Variants in NR5A2 observed in about 807,000 individuals in gnomAD.
The protein encoded by NR5A2 is CYP7A promoter-binding factor.
A neutral mutation model predicts 62.7 loss-of-function variants in NR5A2; 26 were observed. The observed-to-expected ratio is 0.41, with a 90% CI of 0.30 to 0.58. NR5A2 has a LOEUF of 0.58. NR5A2 is among the 20% of genes least tolerant of loss of function. The probability of loss-of-function intolerance (pLI) is 0.22; values close to 1 mark genes in which losing one functional copy is unlikely to be tolerated. For missense variants in NR5A2, 541 were observed against 669.1 expected, an observed-to-expected ratio of 0.81 and a Z score of 2.11; for synonymous variants, 246 against 241.7, an observed-to-expected ratio of 1.02 and a Z score of -0.16.
chr1:200,077,847 G>T (rs1355174655), intron 5 of NR5A2, among the ~76,000 whole-genome samples: 2 of 152,134 alleles, frequency 1.3e-5, no homozygotes, highest in Non-Finnish European at 2.9e-5. Flanking sequence ...TAGGGCTCTC[G>T]CAGTTTTTGA....
chr1:200,053,269 A>G (rs752480796), intron 5 of NR5A2, among the ~76,000 whole-genome samples: 21 of 152,172 alleles, frequency 1.4e-4, no homozygotes, highest in Non-Finnish European at 2.9e-4. Context: ...TCTGGTCTTC[A>G]TCCAAAATAA....
At chr1:200,108,958 T>C (rs900552204) in intron 5 of NR5A2, among the ~76,000 whole-genome samples, 1 of 152,346 alleles carries the variant, frequency 6.6e-6, no homozygotes, top group Non-Finnish European at 1.5e-5. Flanking sequence ...ACCACCTGGA[T>C]TGTAAAACCA....
chr1:200,105,522 A>G (rs954091727), intron 5 of NR5A2, among the ~76,000 whole-genome samples: 5 of 152,176 alleles, frequency 3.3e-5, no homozygotes, highest in African/African-American at 1.2e-4. Context: ...TATTTTAATA[A>G]TCTGTTTTCC....
chr1:200,154,597 T>C (rs1653290141), intron 7 of NR5A2, among the ~76,000 whole-genome samples: 1 of 152,244 alleles, frequency 6.6e-6, no homozygotes, highest in Non-Finnish European at 1.5e-5. Flanking sequence ...CACATGCCTG[T>C]AGCCCCAGCT....
At chr1:200,143,943 T>C (rs1479368335) in intron 7 of NR5A2, among the ~76,000 whole-genome samples, 1 of 152,000 alleles carries the variant, frequency 6.6e-6, no homozygotes, top group Non-Finnish European at 1.5e-5. Context: ...CCGGCTACTG[T>C]TCACCGTTTA....
intron 7 of NR5A2, among the ~76,000 whole-genome samples, chr1:200,123,728 T>G (rs1666575650): frequency 6.7e-6 from 1 of 149,156 alleles, no homozygotes; most frequent in African/African-American, 2.5e-5. Context: ...TTCAGAAGTT[T>G]TATTTTTATT....
intron 5 of NR5A2, among the ~76,000 whole-genome samples, chr1:200,098,694 G>C (rs1013011600): frequency 2.6e-5 from 4 of 152,130 alleles, no homozygotes; most frequent in Admixed American, 2.6e-4. Context: ...CATTGATTCA[G>C]CAAATATTAA....
intron 7 of NR5A2, among the ~76,000 whole-genome samples, chr1:200,149,369 T>C (rs779438394): frequency 1.5e-4 from 23 of 152,352 alleles, no homozygotes; most frequent in Middle Eastern, 6.8e-3. Context: ...TGATTCACCG[T>C]GTATCTTCTG....
intron 6 of NR5A2, among the ~76,000 whole-genome samples, chr1:200,112,578 C>T (rs1558146494): frequency 2.0e-5 from 3 of 152,302 alleles, no homozygotes; most frequent in Non-Finnish European, 2.9e-5. Context: ...ATTTCCCAAT[C>T]AAATTAAAAG....
intron 7 of NR5A2, among the ~76,000 whole-genome samples, chr1:200,144,229 T>TCACACACACA (rs770054105): frequency 9.9e-4 from 126 of 127,060 alleles, no homozygotes; most frequent in African/African-American, 3.9e-3. Flanking sequence ...TCTCTCTCTC[T>TCACACACACA]CTCTCACACA....
At chr1:200,130,434 T>G (rs1666924340) in intron 7 of NR5A2, among the ~76,000 whole-genome samples, 1 of 152,176 alleles carries the variant, frequency 6.6e-6, no homozygotes, top group Admixed American at 6.5e-5. Context: ...GTACCAGGTG[T>G]ACCATTTGCT....
At chr1:200,133,554 TATACACAC>T (rs1298360216) in intron 7 of NR5A2, among the ~76,000 whole-genome samples, 38 of 52,116 alleles carry the variant, frequency 7.3e-4, no homozygotes, top group East Asian at 2.4e-3. Context: ...TATACACATA[TATACACAC>T]ATATATATAT....
At chr1:200,032,952 C>T (rs544829414) in intron 1 of NR5A2, among the ~76,000 whole-genome samples, 1 of 152,314 alleles carries the variant, frequency 6.6e-6, no homozygotes, top group Admixed American at 6.5e-5. Flanking sequence ...ACATTTCGAG[C>T]TTAAGAAACA....
Position 200,039,243 on chromosome 1 carries a change from C to A in NR5A2, c.65-415C>A, listed in dbSNP as rs1661931470. Among the ~76,000 whole-genome samples, 1 of 151,996 alleles carries A rather than the reference C, an allele frequency of 6.6e-6. No homozygotes were observed. The highest frequency in any genetic ancestry group is 2.4e-5 in the African/African-American group (1 of 41,398). On this transcript the variant is annotated intron_variant, in intron 1 of 7. Transcript: ENST00000367362. The surrounding 1 kb of genome is among the most constrained non-coding windows in gnomAD (Gnocchi z 5.1). ...CCCCTGCCGATCCTGAGCCAGAGGG[C>A]GGTGGAGGGAGGGGAAGGAGTCGCC... is the stretch of plus-strand genomic sequence containing the variant.
At chr1:200,043,081 C>T (rs979881204) in intron 2 of NR5A2, 29 of 809,320 alleles carry the variant, frequency 3.6e-5, no homozygotes, top group Non-Finnish European at 3.9e-5. Flanking sequence ...TTTCCCCGTA[C>T]GGGCGTCCTC....
intron 1 of NR5A2, chr1:200,029,246 C>A: frequency 5.0e-6 from 1 of 201,066 alleles, no homozygotes; most frequent in South Asian, 8.4e-5. Flanking sequence ...CTCGGGGGCT[C>A]GCGCCCGCGC....
At chr1:200,142,289 TC>T in intron 7 of NR5A2, among the ~76,000 whole-genome samples, 1 of 138,332 alleles carries the variant, frequency 7.2e-6, no homozygotes, top group Non-Finnish European at 1.5e-5. Flanking sequence ...GACCTCTGCC[TC>T]CCGGGTTCAA....
At chr1:200,035,701 CG>C (rs1661745527) in intron 1 of NR5A2, among the ~76,000 whole-genome samples, 1 of 152,106 alleles carries the variant, frequency 6.6e-6, no homozygotes, top group Non-Finnish European at 1.5e-5. Context: ...ATCAAGGCTG[CG>C]GGAGCCTCCC....
rs533172180 is a variant in NR5A2 at position 200,061,446 on chromosome 1, T to G, written c.1110+12628T>G. ...GGCGTATACCACCATGCCTGGCTAA[T>G]TTTGTATTTTTAGTAGAGACAAGAC... On this transcript the variant is annotated intron_variant, in intron 5 of 7. Coordinates refer to ENST00000367362, the MANE Select transcript of NR5A2 (RefSeq NM_205860.3). Among the ~76,000 whole-genome samples, 7 of 151,910 alleles carry G rather than the reference T, an allele frequency of 4.6e-5. 1 individual carries two copies. The highest frequency in any genetic ancestry group is 1.7e-4 in the African/African-American group (7 of 41,446).
Sources: allele counts gnomAD v4.1 joint callset (sites outside exome capture counted in the v4.1 genomes callset), GRCh38; gene constraint gnomAD v4.1.1; non-coding constraint Gnocchi (gnomAD v3.1); transcripts MANE v1.5; gene names NCBI Gene and HGNC (gene_info 2026-07-23, HGNC 2026-07-21).